The following EXT1 variants were observed in gnomAD, a reference collection of about 807,000 sequenced individuals.
EXT1 encodes exostosin glycosyltransferase 1.
A neutral mutation model predicts 82.5 loss-of-function variants in EXT1; 20 were observed. The observed-to-expected ratio is 0.24, with a 90% CI of 0.17 to 0.35. The LOEUF is 0.35. Ranked by LOEUF, EXT1 falls within the 10% of genes least tolerant of loss-of-function variation. EXT1 has a pLI of 1.00. For missense variants in EXT1, 757 were observed against 936.5 expected, an observed-to-expected ratio of 0.81 and a Z score of 2.50; for synonymous variants, 348 against 350.8, an observed-to-expected ratio of 0.99 and a Z score of 0.09.
At chr8:117,977,337 T>C (rs10102745) in intron 1 of EXT1, among the ~76,000 whole-genome samples, 112,362 of 149,688 alleles carry the variant, frequency 0.75, 43,488 homozygotes, top group African/African-American at 0.94. Flanking sequence ...CAGCGAGCCG[T>C]GATTGTGCCA....
At chr8:118,047,620 A>G (rs1322438192) in intron 1 of EXT1, among the ~76,000 whole-genome samples, 3 of 152,172 alleles carry the variant, frequency 2.0e-5, no homozygotes, top group Non-Finnish European at 4.4e-5. Context: ...TTATCTCTGA[A>G]TATGTGATCG....
chr8:118,109,126 T>A (rs563869474), intron 1 of EXT1, among the ~76,000 whole-genome samples: 1 of 152,272 alleles, frequency 6.6e-6, no homozygotes, highest in South Asian at 2.1e-4. Context: ...CCAAATCCCG[T>A]GTCAGTTACT....
chr8:118,030,370 C>T (rs1035278778), intron 1 of EXT1, among the ~76,000 whole-genome samples: 18 of 152,110 alleles, frequency 1.2e-4, no homozygotes, highest in African/African-American at 3.9e-4. Context: ...AAGAAAAGTG[C>T]GTACACCATA....
chr8:118,009,356 T>C (rs1261026702), intron 1 of EXT1, among the ~76,000 whole-genome samples: 1 of 152,212 alleles, frequency 6.6e-6, no homozygotes, highest in African/African-American at 2.4e-5. Flanking sequence ...CCAGGTCACA[T>C]GTCTCCATTT....
At chr8:118,066,454 G>A (rs904499703) in intron 1 of EXT1, among the ~76,000 whole-genome samples, 2 of 151,776 alleles carry the variant, frequency 1.3e-5, no homozygotes, top group African/African-American at 4.8e-5. Flanking sequence ...CCGCCTCCCG[G>A]TTCAAGCGAT....
chr8:117,901,770 CACTGCAGCCTCG>C (rs1386129594), intron 1 of EXT1, among the ~76,000 whole-genome samples: 5 of 152,166 alleles, frequency 3.3e-5, no homozygotes, highest in Non-Finnish European at 7.4e-5. Context: ...AGTAACAACT[CACTGCAGCCTCG>C]ACCTCCCAGG....
At chr8:118,095,982 A>C (rs1817603829) in intron 1 of EXT1, among the ~76,000 whole-genome samples, 1 of 152,206 alleles carries the variant, frequency 6.6e-6, no homozygotes, top group Admixed American at 6.5e-5. Context: ...CCTTTTAATT[A>C]AATGATAAAT....
chr8:117,865,709 G>T (rs538718112), intron 1 of EXT1, among the ~76,000 whole-genome samples: 283 of 152,338 alleles, frequency 1.9e-3, no homozygotes, highest in African/African-American at 6.3e-3. Context: ...GTCTGGAGAT[G>T]ATGGCACTAA....
At chr8:117,998,557 G>A (rs1375918297) in intron 1 of EXT1, among the ~76,000 whole-genome samples, 1 of 152,062 alleles carries the variant, frequency 6.6e-6, no homozygotes. Context: ...CAAAGTGCTG[G>A]GATTACAGGC....
At chr8:118,012,338 C>G (rs1815916629) in intron 1 of EXT1, among the ~76,000 whole-genome samples, 1 of 152,228 alleles carries the variant, frequency 6.6e-6, no homozygotes, top group African/African-American at 2.4e-5. Context: ...CCCGAAGAAG[C>G]CACTGCGGCT....
chr8:117,969,759 C>T (rs945705075), intron 1 of EXT1, among the ~76,000 whole-genome samples: 11 of 152,160 alleles, frequency 7.2e-5, no homozygotes, highest in African/African-American at 2.2e-4. Context: ...AAACCTTTCT[C>T]GCAAGCTTAT....
intron 1 of EXT1, among the ~76,000 whole-genome samples, chr8:118,032,668 G>A (rs891640774): frequency 1.3e-5 from 2 of 151,824 alleles, no homozygotes; most frequent in African/African-American, 2.4e-5. Context: ...GTGCCACCAC[G>A]CCCAGCTAAT....
rs376640197 is a variant in EXT1, at chr8:117,835,465, G to A, written c.1143C>T (p.Gly381=). The change falls in exon 3 of 11, where the codon GGC becomes GGT. Residue 381 remains glycine, a synonymous_variant. Transcript: ENST00000378204. Reference sequence around the variant, plus strand: ...TTACCTGTAATAACAATCTCTCATCGCCTATGACGGCAGCTTGGTTCCAAT... The same window carrying A: ...TTACCTGTAATAACAATCTCTCATCACCTATGACGGCAGCTTGGTTCCAAT... The part of the protein sequence containing the change: ...VINWNQAAVI[G]DERLLLQIPS... 3.0e-5 allele frequency: 49 copies of A among 1,613,876 alleles called. No homozygotes were observed. The highest frequency in any genetic ancestry group is 1.7e-4 in the Middle Eastern group (1 of 6,060).
In EXT1 at chr8:117,795,477, C is replaced by G. The variant is rs752279266; in HGVS notation, c.*4235G>C. ...CCACTATCTTAGGGTACTTAATCCCCCAAGCTTTTTTTTTTTTTTAAAGAA... is the reference window on the plus strand; with the variant it reads ...CCACTATCTTAGGGTACTTAATCCCGCAAGCTTTTTTTTTTTTTTAAAGAA... On this transcript the variant is annotated 3_prime_UTR_variant, in exon 11 of 11. Coordinates refer to ENST00000378204, the MANE Select transcript of EXT1 (RefSeq NM_000127.3). 1.5e-5 allele frequency: 2 copies of G among 129,114 alleles called. No homozygotes were observed. The highest frequency in any genetic ancestry group is 3.2e-5 in the African/African-American group (1 of 31,736). The allele number at this position is 129,114 out of a possible 1,614,324, so 8.0% of individuals were successfully genotyped here.
chr8:117,804,962 G>A, intron 9 of EXT1, 69 bp from the exon 10 acceptor site: 2 of 1,432,212 alleles, frequency 1.4e-6, no homozygotes, highest in Non-Finnish European at 2.0e-6. Flanking sequence ...TTCTGAGACA[G>A]AAAACACATA....
At chr8:117,854,119 C>G (rs769889799) in intron 1 of EXT1, among the ~76,000 whole-genome samples, 2 of 152,214 alleles carry the variant, frequency 1.3e-5, no homozygotes, top group African/African-American at 2.4e-5. Flanking sequence ...GCTATGGTGA[C>G]AAGTCCTTCC....
At chr8:118,027,780 C>T (rs149989506) in intron 1 of EXT1, among the ~76,000 whole-genome samples, 13 of 152,294 alleles carry the variant, frequency 8.5e-5, no homozygotes, top group African/African-American at 2.9e-4. Flanking sequence ...TTCCCACCAA[C>T]GTAAATGACG....
intron 1 of EXT1, among the ~76,000 whole-genome samples, chr8:117,841,774 T>C (rs1812278860): frequency 6.6e-6 from 1 of 152,232 alleles, no homozygotes; most frequent in African/African-American, 2.4e-5. Context: ...AATCATTTTA[T>C]ACTTAAAGTT....
chr8:118,056,681 G>A (rs547592142), intron 1 of EXT1, among the ~76,000 whole-genome samples: 136 of 152,268 alleles, frequency 8.9e-4, no homozygotes, highest in African/African-American at 3.2e-3. Context: ...GTGCTGGGGG[G>A]TCCTCTGGCC....
Sources: gnomAD v4.1 joint callset for allele counts (sites outside exome capture counted in the v4.1 genomes callset) on GRCh38, gnomAD v4.1.1 for gene constraint, MANE v1.5 for transcripts, NCBI Gene and HGNC (gene_info 2026-07-23, HGNC 2026-07-21) for gene names.